MYO1E: variants seen among roughly 807,000 people sequenced by gnomAD.
MYO1E encodes the protein unconventional myosin-Ie.
MYO1E carries 68 observed loss-of-function variants against 151.1 expected under a neutral mutation model. The observed-to-expected ratio is 0.45, with a 90% CI of 0.37 to 0.55. MYO1E has a LOEUF of 0.55. Ranked by LOEUF, MYO1E falls within the 20% of genes least tolerant of loss-of-function variation. The probability of loss-of-function intolerance (pLI) is 0.00; values close to 1 mark genes in which losing one functional copy is unlikely to be tolerated. For missense variants in MYO1E, 1,363 were observed against 1,389.3 expected, an observed-to-expected ratio of 0.98 and a Z score of 0.30; for synonymous variants, 601 against 501.7, an observed-to-expected ratio of 1.20 and a Z score of -2.64.
intron 18 of MYO1E, among the ~76,000 whole-genome samples, chr15:59,182,246 C>T (rs1252373842): frequency 6.6e-6 from 1 of 152,066 alleles, no homozygotes; most frequent in Non-Finnish European, 1.5e-5. Flanking sequence ...GAGTTCCACT[C>T]TTGTCGCCCA....
intron 2 of MYO1E, chr15:59,267,007 A>G (rs1310153859): frequency 3.6e-5 from 5 of 139,674 alleles, no homozygotes; most frequent in African/African-American, 5.3e-5. Flanking sequence ...CTAAGAGTTG[A>G]ACTTTTAAAA....
intron 4 of MYO1E, among the ~76,000 whole-genome samples, chr15:59,244,871 T>C (rs563633522): frequency 2.0e-5 from 3 of 152,318 alleles, no homozygotes; most frequent in African/African-American, 4.8e-5. Context: ...TTATGGGTAA[T>C]ATATTAATTA....
intron 14 of MYO1E, chr15:59,207,818 T>C: frequency 3.1e-6 from 5 of 1,614,194 alleles, no homozygotes; most frequent in Non-Finnish European, 4.2e-6. Context: ...ATTATTAAAA[T>C]GAAAGGTTAT....
intron 4 of MYO1E, among the ~76,000 whole-genome samples, chr15:59,240,512 T>G (rs1368339313): frequency 6.6e-6 from 1 of 152,246 alleles, no homozygotes; most frequent in Non-Finnish European, 1.5e-5. Flanking sequence ...ATTATTTTTC[T>G]GAGAAAGGTT....
At chr15:59,162,424 A>G (rs1261582721) in intron 23 of MYO1E, among the ~76,000 whole-genome samples, 1 of 152,090 alleles carries the variant, frequency 6.6e-6, no homozygotes. Context: ...CGGGTGGATC[A>G]CTTGAGGTTA....
intron 4 of MYO1E, among the ~76,000 whole-genome samples, chr15:59,237,585 G>C (rs995627261): frequency 6.6e-6 from 1 of 152,214 alleles, no homozygotes; most frequent in Non-Finnish European, 1.5e-5. Flanking sequence ...ATAAAATGAT[G>C]GTGGGAGTTA....
intron 4 of MYO1E, 58 bp downstream of exon 4, chr15:59,256,226 C>T (rs958329028): frequency 1.1e-5 from 15 of 1,370,804 alleles, no homozygotes; most frequent in Non-Finnish European, 1.6e-5. Context: ...GACCGAAATC[C>T]ATAACCACAG....
chr15:59,188,319 C>T (rs1012241959), intron 17 of MYO1E, 103 bp from the exon 18 acceptor site: 6 of 858,706 alleles, frequency 7.0e-6, no homozygotes, highest in Admixed American at 6.9e-5. Context: ...TGTAGGGAAA[C>T]ATATTCAGAA....
At chr15:59,297,042 C>G (rs77009953) in intron 1 of MYO1E, among the ~76,000 whole-genome samples, 7,900 of 65,826 alleles carry the variant, frequency 0.12, 2,145 homozygotes, top group African/African-American at 0.3. Context: ...TTTGTAGAGA[C>G]AGAGTTTCAC....
chr15:59,358,916 T>A (rs1349757771), intron 1 of MYO1E, among the ~76,000 whole-genome samples: 2 of 152,174 alleles, frequency 1.3e-5, no homozygotes, highest in Non-Finnish European at 2.9e-5. Flanking sequence ...ACTTGCCAAG[T>A]AACTGAGAGA....
intron 9 of MYO1E, among the ~76,000 whole-genome samples, chr15:59,220,695 G>C (rs1205160326): frequency 2.0e-5 from 3 of 151,832 alleles, no homozygotes; most frequent in African/African-American, 7.3e-5. Flanking sequence ...ATTCCTTTCA[G>C]TAGTGTTCAT....
intron 17 of MYO1E, among the ~76,000 whole-genome samples, chr15:59,194,549 G>C (rs78129621): frequency 0.047 from 7,108 of 152,182 alleles, 219 homozygotes; most frequent in South Asian, 0.084. Flanking sequence ...TTCTTCACTC[G>C]ACACCTAAAA....
At chr15:59,333,818 T>C (rs757521416) in intron 1 of MYO1E, among the ~76,000 whole-genome samples, 3 of 152,222 alleles carry the variant, frequency 2.0e-5, no homozygotes, top group Non-Finnish European at 2.9e-5. Context: ...GAGCTTCCAC[T>C]ATGCATCTAA....
At chr15:59,184,212 G>T (rs1380090633) in intron 18 of MYO1E, among the ~76,000 whole-genome samples, 2 of 152,102 alleles carry the variant, frequency 1.3e-5, no homozygotes, top group Admixed American at 1.3e-4. Flanking sequence ...TCACCATGTT[G>T]GCCAGGCTGG....
intron 1 of MYO1E, among the ~76,000 whole-genome samples, chr15:59,278,393 G>C (rs1315308088): frequency 6.6e-6 from 1 of 152,212 alleles, no homozygotes; most frequent in Non-Finnish European, 1.5e-5. Flanking sequence ...GTCTCCGTGA[G>C]TAATAACAGG....
At chr15:59,251,841 G>C (rs2080166822) in intron 4 of MYO1E, among the ~76,000 whole-genome samples, 1 of 152,336 alleles carries the variant, frequency 6.6e-6, no homozygotes, top group South Asian at 2.1e-4. Context: ...GGTTGACATA[G>C]AAAAGGATTA....
chr15:59,282,652 C>A (rs2080359417), intron 1 of MYO1E, among the ~76,000 whole-genome samples: 1 of 149,900 alleles, frequency 6.7e-6, no homozygotes, highest in African/African-American at 2.5e-5. Flanking sequence ...TAGAGGCCAG[C>A]CTGGACAACA....
chr15:59,282,813 A>T (rs1296920199), intron 1 of MYO1E, among the ~76,000 whole-genome samples: 2 of 138,386 alleles, frequency 1.4e-5, no homozygotes, highest in Non-Finnish European at 1.6e-5. Context: ...GCGTTACTGC[A>T]CTACAGCCTG....
chr15:59,344,084 A>G (rs759755194), intron 1 of MYO1E, among the ~76,000 whole-genome samples: 5 of 152,158 alleles, frequency 3.3e-5, no homozygotes, highest in Non-Finnish European at 7.3e-5. Flanking sequence ...ATGGATGTCT[A>G]GGCACTGAAG....
Sources: allele counts gnomAD v4.1 joint callset (sites outside exome capture counted in the v4.1 genomes callset), GRCh38; gene constraint gnomAD v4.1.1; transcripts MANE v1.5; gene names NCBI Gene and HGNC (gene_info 2026-07-23, HGNC 2026-07-21).